The following SEPTIN2 variants were observed in gnomAD, a reference collection of about 807,000 sequenced individuals.
SEPTIN2 encodes septin 2, also known as septin-2.
In SEPTIN2, 34 loss-of-function variants were observed where a neutral mutation model predicts 46.5. The ratio of observed to expected loss-of-function variants is 0.73; its 90% CI spans 0.56 to 0.97. SEPTIN2 has a LOEUF of 0.97. Among genes scored for constraint, SEPTIN2 ranks in the 50% least tolerant of loss-of-function variants. The pLI, the probability that SEPTIN2 is intolerant of heterozygous loss-of-function variation, is 0.00. For synonymous variants in SEPTIN2, 175 were observed against 153.4 expected, an observed-to-expected ratio of 1.14 and a Z score of -1.04; for missense variants, 347 against 448.4, an observed-to-expected ratio of 0.77 and a Z score of 2.04.
chr2:241,324,507 C>A, intron 2 of SEPTIN2: 1 of 469,814 alleles, frequency 2.1e-6, no homozygotes, highest in Non-Finnish European at 4.0e-6. Context: ...CCTGGCTCAG[C>A]CTCCGGAGTA....
chr2:241,315,921 C>A (rs1263408507), upstream of SEPTIN2: 1 of 152,142 alleles, frequency 6.6e-6, no homozygotes, highest in South Asian at 2.1e-4. Context: ...GTGAGCGGAC[C>A]GCGAGCGCTG....
chr2:241,353,716 A>G lies in SEPTIN2; in HGVS notation c.*1779A>G, dbSNP rs963691706. ...GTTTGACATTTAATAACTTTGCTGGAAAATCTGTAAAAAAGAAAAACAAGT... is the reference window on the plus strand; with the variant it reads ...GTTTGACATTTAATAACTTTGCTGGGAAATCTGTAAAAAAGAAAAACAAGT... On this transcript the variant is annotated 3_prime_UTR_variant, in exon 13 of 13. Transcript: ENST00000391971. 1 of 153,102 alleles carries G rather than the reference A, an allele frequency of 6.5e-6. No homozygotes were observed. The highest frequency in any genetic ancestry group is 2.4e-5 in the African/African-American group (1 of 41,442). 9.5% of individuals were successfully genotyped at this position (153,102 alleles called of 1,614,324 possible). A position where few individuals can be genotyped will look rare whatever the true frequency, so the allele number is the denominator to read the frequency against.
intron 1 of SEPTIN2, among the ~76,000 whole-genome samples, chr2:241,319,702 C>A (rs2076874016): frequency 6.6e-6 from 1 of 152,204 alleles, no homozygotes; most frequent in African/African-American, 2.4e-5. Context: ...AGGGATCCTC[C>A]CACCTCAGTC....
intron 2 of SEPTIN2, chr2:241,324,693 A>G (rs1239349955): frequency 5.0e-6 from 1 of 198,972 alleles, no homozygotes; most frequent in Non-Finnish European, 1.1e-5. Context: ...CCTAATTGTC[A>G]TCTTAAAAGC....
rs755112128 is a variant in SEPTIN2, at chr2:241,331,260, G to C, written c.131-3866G>C. Among the ~76,000 whole-genome samples, 29 of 152,338 alleles carry C rather than the reference G, an allele frequency of 1.9e-4. 1 individual carries two copies. Among genetic ancestry groups the C allele is most frequent in the Middle Eastern group, 6.8e-3 (2 of 294 alleles). On this transcript the variant is annotated intron_variant, in intron 3 of 12. Coordinates refer to ENST00000391971, the MANE Select transcript of SEPTIN2 (RefSeq NM_004404.5). Reference sequence around the variant, plus strand: ...CCACTTAACAGTCACAAAAAATATTGTTCAGAGATAAATTTAACAAAACGT... The same window carrying C: ...CCACTTAACAGTCACAAAAAATATTCTTCAGAGATAAATTTAACAAAACGT...
chr2:241,336,168 TAATG>T (rs1467227485), intron 5 of SEPTIN2, 70 bp downstream of exon 5: 2 of 1,446,030 alleles, frequency 1.4e-6, no homozygotes, highest in African/African-American at 2.9e-5. Flanking sequence ...TAGATAGTGT[TAATG>T]AGTGATTATT....
In SEPTIN2 at chr2:241,335,207, CA is replaced by C; in HGVS notation, c.213del (p.Ala72GlnfsTer26). 9 of 1,612,940 alleles carry C rather than the reference CA, an allele frequency of 5.6e-6. No homozygotes were observed. The highest frequency in any genetic ancestry group is 7.6e-6 in the Non-Finnish European group (9 of 1,179,246). On this transcript the variant is annotated frameshift_variant, in exon 4 of 13. Coordinates refer to ENST00000391971, the MANE Select transcript of SEPTIN2 (RefSeq NM_004404.5). LOFTEE classifies it high-confidence loss of function. ...DLYPERVIPG[A>X]AEKIERTVQI... ...TACCCAGAAAGAGTCATACCTGGAG[CA>C]GCAGGTAAAAACATTCTTATGTTAC... is the stretch of plus-strand genomic sequence containing the variant.
intron 3 of SEPTIN2, among the ~76,000 whole-genome samples, chr2:241,332,821 A>C (rs1042451243): frequency 1.3e-5 from 2 of 152,250 alleles, no homozygotes. Context: ...ATGCAACAAC[A>C]TGCATCAGTC....
chr2:241,321,663 T>G (rs529876103), intron 1 of SEPTIN2, among the ~76,000 whole-genome samples: 1 of 152,188 alleles, frequency 6.6e-6, no homozygotes, highest in African/African-American at 2.4e-5. Flanking sequence ...ATAACTGATA[T>G]TCTTGAATTT....
Position 241,326,038 on chromosome 2 carries a change from G to A in SEPTIN2, c.55G>A (p.Gly19Arg). The change falls in exon 3 of 13, where the codon GGA (glycine) becomes AGA (arginine). Residue 19 changes from glycine (G) to arginine (R), a missense_variant. Coordinates refer to ENST00000391971, the MANE Select transcript of SEPTIN2 (RefSeq NM_004404.5). ...AAATCCAGAAACACCTGGCTATGTT[G>A]GATTTGCAAACCTCCCCAATCAAGT... ...FINPETPGYV[G>R]FANLPNQVHR... is the part of the protein sequence containing the mutation. The A allele has an allele frequency of 6.2e-7, 1 of 1,613,618 alleles. No individual in the cohort carries two copies. Among genetic ancestry groups the A allele is most frequent in the Non-Finnish European group, 8.5e-7 (1 of 1,179,754 alleles).
At chr2:241,343,920 T>G in intron 9 of SEPTIN2, 23 bp downstream of exon 9, 1 of 1,612,562 alleles carries the variant, frequency 6.2e-7, no homozygotes, top group Non-Finnish European at 8.5e-7. Context: ...GTGTGTTCCT[T>G]CTGGCAGAAT....
Position 241,335,172 on chromosome 2 carries a change from A to G in SEPTIN2, c.177A>G (p.Leu59=). ...GKSTLINSLF[L]TDLYPERVIP... ...CGACTCTCATAAACAGCCTATTCCT[A>G]ACTGATCTGTACCCAGAAAGAGTCA... The change falls in exon 4 of 13, where the codon CTA becomes CTG. Residue 59 remains leucine (L), a synonymous_variant. Transcript: ENST00000391971. The G allele has an allele frequency of 6.2e-7, 1 of 1,613,926 alleles. No homozygotes were observed. The highest frequency in any genetic ancestry group is 8.5e-7 in the Non-Finnish European group (1 of 1,179,890).
At chr2:241,341,796 T>C (rs1256916210) in intron 7 of SEPTIN2, among the ~76,000 whole-genome samples, 1 of 152,234 alleles carries the variant, frequency 6.6e-6, no homozygotes, top group Non-Finnish European at 1.5e-5. Context: ...CGGGATATTT[T>C]CTGCTCACGT....
intron 1 of SEPTIN2, chr2:241,320,411 C>T (rs1200616016): frequency 2.4e-6 from 1 of 423,132 alleles, no homozygotes; most frequent in African/African-American, 2.1e-5. Context: ...CATTTTGCTA[C>T]ATGTAGTCTT....
intron 7 of SEPTIN2, among the ~76,000 whole-genome samples, chr2:241,341,762 C>G (rs1484547999): frequency 3.9e-5 from 6 of 152,160 alleles, no homozygotes; most frequent in Non-Finnish European, 8.8e-5. Flanking sequence ...AACCAGAAAG[C>G]AAATCCAGTG....
chr2:241,348,528 G>A (rs1369098963), intron 11 of SEPTIN2, among the ~76,000 whole-genome samples: 1 of 152,082 alleles, frequency 6.6e-6, no homozygotes, highest in Non-Finnish European at 1.5e-5. Context: ...ACCGTGCCCA[G>A]CCAAAAAGTA....
intron 9 of SEPTIN2, among the ~76,000 whole-genome samples, chr2:241,345,098 A>G (rs1032102555): frequency 6.6e-6 from 1 of 151,966 alleles, no homozygotes; most frequent in Non-Finnish European, 1.5e-5. Context: ...GGGCAACAAG[A>G]GCAAGACTTC....
At chr2:241,332,963 T>C (rs2079246364) in intron 3 of SEPTIN2, among the ~76,000 whole-genome samples, 1 of 152,204 alleles carries the variant, frequency 6.6e-6, no homozygotes, top group African/African-American at 2.4e-5. Flanking sequence ...CGGTGGGGAC[T>C]GGAGAGGGTA....
chr2:241,332,814 C>A (rs1040676422), intron 3 of SEPTIN2, among the ~76,000 whole-genome samples: 2 of 152,322 alleles, frequency 1.3e-5, no homozygotes, highest in Admixed American at 6.5e-5. Context: ...CTCGTAGATG[C>A]AACAACATGC....
Sources: allele counts gnomAD v4.1 joint callset (sites outside exome capture counted in the v4.1 genomes callset), GRCh38; gene constraint gnomAD v4.1.1; transcripts MANE v1.5; gene names NCBI Gene and HGNC (gene_info 2026-07-23, HGNC 2026-07-21).